The following GAB2 variants were observed in gnomAD, a reference collection of about 807,000 sequenced individuals.
GAB2 encodes the protein GRB2 associated binding protein 2, also known as GRB2-associated-binding protein 2.
Under a neutral mutation model 65.5 loss-of-function variants are expected in GAB2, and 26 were observed. That is an observed-to-expected ratio of 0.40 (90% CI 0.29 to 0.55). GAB2 has a LOEUF of 0.55. GAB2 is among the 20% of genes least tolerant of loss of function. The probability of loss-of-function intolerance (pLI) is 0.53; values close to 1 mark genes in which losing one functional copy is unlikely to be tolerated. For synonymous variants in GAB2, 321 were observed against 329.6 expected, an observed-to-expected ratio of 0.97 and a Z score of 0.28; for missense variants, 884 against 875.8, an observed-to-expected ratio of 1.01 and a Z score of -0.12.
intron 1 of GAB2, among the ~76,000 whole-genome samples, chr11:78,305,959 TTC>T (rs888553862): frequency 2.0e-5 from 3 of 152,224 alleles, no homozygotes; most frequent in Admixed American, 2.0e-4. Context: ...TCCTTAATCC[TTC>T]TCTGAGCAAA....
At chr11:78,255,717 T>C (rs1865578498) in intron 2 of GAB2, among the ~76,000 whole-genome samples, 1 of 152,214 alleles carries the variant, frequency 6.6e-6, no homozygotes, top group African/African-American at 2.4e-5. Flanking sequence ...GGCTTGCCAT[T>C]GGTAAGTGGA....
In GAB2 at chr11:78,217,054, C is replaced by CCCT. The variant is rs911480352; in HGVS notation, c.*2215_*2217dup. On this transcript the variant is annotated 3_prime_UTR_variant, in exon 10 of 10. Coordinates refer to ENST00000361507, the MANE Select transcript of GAB2 (RefSeq NM_080491.3). The stretch of plus-strand genomic sequence containing the variant: ...CTTCCTCCACTGGACCCAAGCCCTG[C>CCCT]CCTCCTCCTCTGTAAAAATCTGACT... The CCCT allele has an allele frequency of 1.3e-5, 2 of 152,604 alleles. No homozygotes were observed. Among genetic ancestry groups the CCCT allele is most frequent in the Non-Finnish European group, 2.9e-5 (2 of 68,208 alleles). 9.5% of individuals were successfully genotyped at this position (152,604 alleles called of 1,614,324 possible).
chr11:78,374,650 T>C (rs545040792), intron 1 of GAB2, among the ~76,000 whole-genome samples: 7 of 152,328 alleles, frequency 4.6e-5, no homozygotes, highest in Admixed American at 4.6e-4. Flanking sequence ...TCCCTATCTT[T>C]AAGGGTTTGA....
At chr11:78,417,103 C>T (rs1857207192) in intron 1 of GAB2, among the ~76,000 whole-genome samples, 1 of 152,202 alleles carries the variant, frequency 6.6e-6, no homozygotes, top group African/African-American at 2.4e-5. Context: ...ACAAGGGCTG[C>T]ACATGCCGCT....
chr11:78,261,407 G>C (rs1476126343), intron 2 of GAB2, among the ~76,000 whole-genome samples: 1 of 152,162 alleles, frequency 6.6e-6, no homozygotes, highest in Non-Finnish European at 1.5e-5. Flanking sequence ...GACCAAATGA[G>C]ATCCAAATGT....
intron 1 of GAB2, among the ~76,000 whole-genome samples, chr11:78,381,896 A>C (rs1488212918): frequency 6.6e-6 from 1 of 152,236 alleles, no homozygotes; most frequent in African/African-American, 2.4e-5. Context: ...TTAACTTCGC[A>C]GTTCCTTGCT....
intron 1 of GAB2, among the ~76,000 whole-genome samples, chr11:78,366,480 G>T (rs779514057): frequency 6.1e-4 from 92 of 151,070 alleles, no homozygotes; most frequent in Non-Finnish European, 1.1e-3. Flanking sequence ...CAGCTACTTG[G>T]GAGGCTGAGG....
At position 78,215,455 on chromosome 11, in the gene GAB2, A is replaced by AAAAAG. The variant is rs1864073921; in HGVS notation, c.*3812_*3816dup. ...CCGGATAAATATGTTACAATTTAAA[A>AAAAAG]AAAAGAATACAACAGAATAAATTAA... On this transcript the variant is annotated 3_prime_UTR_variant, in exon 10 of 10. Coordinates refer to ENST00000361507, the MANE Select transcript of GAB2 (RefSeq NM_080491.3). 1 of 152,576 alleles carries AAAAAG rather than the reference A, an allele frequency of 6.6e-6. No individual in the cohort carries two copies. The highest frequency in any genetic ancestry group is 1.5e-5 in the Non-Finnish European group (1 of 68,026). The allele number at this position is 152,576 out of a possible 1,614,324, so 9.5% of individuals were successfully genotyped here.
chr11:78,282,121 G>A (rs1461765181), intron 1 of GAB2, among the ~76,000 whole-genome samples: 1 of 152,110 alleles, frequency 6.6e-6, no homozygotes, highest in Non-Finnish European at 1.5e-5. Context: ...ATGTATTACT[G>A]AATGAGTAAA....
chr11:78,336,674 C>A (rs1357648830), intron 1 of GAB2, among the ~76,000 whole-genome samples: 1 of 152,046 alleles, frequency 6.6e-6, no homozygotes, highest in Non-Finnish European at 1.5e-5. Context: ...TGGATGTCTA[C>A]ACATTATTTT....
intron 1 of GAB2, among the ~76,000 whole-genome samples, chr11:78,342,549 C>T (rs993249894): frequency 6.6e-6 from 1 of 151,990 alleles, no homozygotes; most frequent in Non-Finnish European, 1.5e-5. Context: ...GCTGGGACTA[C>T]AGGTGCCCGC....
At chr11:78,378,033 G>A (rs1015461615) in intron 1 of GAB2, among the ~76,000 whole-genome samples, 8 of 152,152 alleles carry the variant, frequency 5.3e-5, no homozygotes, top group Middle Eastern at 3.2e-3. Context: ...TGAGGCACAG[G>A]TAGCTCTAGT....
chr11:78,374,433 G>C (rs1443956474), intron 1 of GAB2, among the ~76,000 whole-genome samples: 1 of 152,114 alleles, frequency 6.6e-6, no homozygotes, highest in Non-Finnish European at 1.5e-5. Context: ...ACAAAGGAAA[G>C]ACTTGGGGGT....
chr11:78,334,489 A>G (rs1855966335), intron 1 of GAB2, among the ~76,000 whole-genome samples: 10 of 152,210 alleles, frequency 6.6e-5, no homozygotes, highest in Admixed American at 6.5e-4. Flanking sequence ...GATCCCACAA[A>G]TAAGTGAGAA....
At chr11:78,237,624 A>G (rs1417611212) in intron 3 of GAB2, among the ~76,000 whole-genome samples, 4 of 152,004 alleles carry the variant, frequency 2.6e-5, no homozygotes, top group East Asian at 1.9e-4. Flanking sequence ...ACTTGTGGGG[A>G]AAAAAAAGGG....
rs1864197996 is a variant in GAB2, at chr11:78,217,327, G to A, written c.*1945C>T. On this transcript the variant is annotated 3_prime_UTR_variant, in exon 10 of 10. Coordinates refer to ENST00000361507, the MANE Select transcript of GAB2 (RefSeq NM_080491.3). ...TCCTTAGTGCTTAACCCCAGAAACT[G>A]GAGACAGCAGCCATTAATAAATACT... 6.6e-6 allele frequency: 1 copy of A among 152,190 alleles called. No individual in the cohort carries two copies. The allele number at this position is 152,190 out of a possible 1,614,324, so 9.4% of individuals were successfully genotyped here.
intron 1 of GAB2, among the ~76,000 whole-genome samples, chr11:78,380,875 T>C (rs1444804633): frequency 1.3e-5 from 2 of 150,850 alleles, no homozygotes; most frequent in Admixed American, 6.7e-5. Context: ...CCTTGGAATG[T>C]AGGAATCTGT....
At chr11:78,347,121 A>G (rs775530687) in intron 1 of GAB2, among the ~76,000 whole-genome samples, 1 of 152,180 alleles carries the variant, frequency 6.6e-6, no homozygotes. Context: ...GACCAGCTAT[A>G]AAAGAGAAGA....
chr11:78,377,145 A>C (rs1406368797), intron 1 of GAB2, among the ~76,000 whole-genome samples: 1 of 152,182 alleles, frequency 6.6e-6, no homozygotes, highest in East Asian at 1.9e-4. Flanking sequence ...TAAACCAATT[A>C]AATCTATTTT....
Sources: gnomAD v4.1 joint callset for allele counts (sites outside exome capture counted in the v4.1 genomes callset) on GRCh38, gnomAD v4.1.1 for gene constraint, MANE v1.5 for transcripts, NCBI Gene and HGNC (gene_info 2026-07-23, HGNC 2026-07-21) for gene names.